Variants in KCNIP4 observed in about 807,000 individuals in gnomAD.
KCNIP4 encodes potassium voltage-gated channel interacting protein 4, also known as Kv channel-interacting protein 4.
KCNIP4 carries 12 observed loss-of-function variants against 34.0 expected under a neutral mutation model. The ratio of observed to expected loss-of-function variants is 0.35; its 90% CI spans 0.23 to 0.57. The LOEUF (loss-of-function observed/expected upper bound fraction) is 0.57. Among genes scored for constraint, KCNIP4 ranks in the 20% least tolerant of loss-of-function variants. KCNIP4 has a pLI of 0.83. For synonymous variants in KCNIP4, 124 were observed against 102.2 expected, an observed-to-expected ratio of 1.21 and a Z score of -1.29; for missense variants, 238 against 311.7, an observed-to-expected ratio of 0.76 and a Z score of 1.78.
intron 1 of KCNIP4, among the ~76,000 whole-genome samples, chr4:21,400,516 T>TCC (rs1560369176): frequency 0.04 from 1,860 of 47,062 alleles, 121 homozygotes; most frequent in East Asian, 0.39. Context: ...TCCCTTCCTC[T>TCC]TCTCTTCTCT....
chr4:21,670,948 G>A (rs1320120814), intron 1 of KCNIP4, among the ~76,000 whole-genome samples: 1 of 151,102 alleles, frequency 6.6e-6, no homozygotes, highest in Non-Finnish European at 1.5e-5. Flanking sequence ...GAGCCACCGC[G>A]CCGGGCTGAG....
intron 1 of KCNIP4, among the ~76,000 whole-genome samples, chr4:21,177,408 T>C (rs1754491278): frequency 6.6e-6 from 1 of 152,106 alleles, no homozygotes; most frequent in Admixed American, 6.5e-5. Flanking sequence ...GGAAAGATTG[T>C]TTACCTTTAT....
intron 1 of KCNIP4, among the ~76,000 whole-genome samples, chr4:21,647,863 CTTTTTT>C (rs10539950): frequency 0.012 from 703 of 60,244 alleles, 12 homozygotes; most frequent in African/African-American, 0.064. Context: ...TACAATGATG[CTTTTTT>C]TTTTTTTTTT....
intron 1 of KCNIP4, among the ~76,000 whole-genome samples, chr4:20,923,141 T>C (rs1729570440): frequency 6.6e-6 from 1 of 152,162 alleles, no homozygotes; most frequent in Non-Finnish European, 1.5e-5. Context: ...CAAGAATCAT[T>C]TACATGTAGA....
chr4:21,318,198 A>G (rs148998973), intron 1 of KCNIP4, among the ~76,000 whole-genome samples: 96 of 152,346 alleles, frequency 6.3e-4, no homozygotes, highest in Non-Finnish European at 1.1e-3. Flanking sequence ...GACAGGTAAA[A>G]TGACACGCAA....
intron 1 of KCNIP4, among the ~76,000 whole-genome samples, chr4:21,804,368 T>A (rs977873963): frequency 2.0e-5 from 3 of 152,202 alleles, no homozygotes; most frequent in Non-Finnish European, 4.4e-5. Flanking sequence ...TACAGTGACC[T>A]TGTGTGATGT....
At chr4:21,519,318 A>G (rs1256295224) in intron 1 of KCNIP4, among the ~76,000 whole-genome samples, 1 of 151,148 alleles carries the variant, frequency 6.6e-6, no homozygotes, top group Non-Finnish European at 1.5e-5. Flanking sequence ...CTCTAGAGGG[A>G]CAGAAATAAT....
chr4:20,925,591 G>A (rs1330329968), intron 1 of KCNIP4, among the ~76,000 whole-genome samples: 1 of 152,122 alleles, frequency 6.6e-6, no homozygotes, highest in Non-Finnish European at 1.5e-5. Flanking sequence ...ATAGAGTAGC[G>A]ATTCTTTTAT....
intron 3 of KCNIP4, among the ~76,000 whole-genome samples, chr4:20,765,932 G>A (rs1249141830): frequency 6.6e-6 from 1 of 152,112 alleles, no homozygotes; most frequent in Non-Finnish European, 1.5e-5. Context: ...GATATGCAAT[G>A]AATACTATGC....
intron 1 of KCNIP4, among the ~76,000 whole-genome samples, chr4:21,841,562 G>T (rs369148262): frequency 1.3e-5 from 2 of 152,046 alleles, no homozygotes; most frequent in African/African-American, 4.8e-5. Flanking sequence ...GTGATCACTG[G>T]CATCTGGCTA....
chr4:21,855,446 T>C (rs752167865), intron 1 of KCNIP4, among the ~76,000 whole-genome samples: 16 of 152,218 alleles, frequency 1.1e-4, no homozygotes, highest in Non-Finnish European at 1.5e-4. Flanking sequence ...CATCCTCTGA[T>C]TGAAAAATAA....
chr4:21,918,426 G>A (rs565543637), intron 1 of KCNIP4, among the ~76,000 whole-genome samples: 1 of 152,248 alleles, frequency 6.6e-6, no homozygotes, highest in South Asian at 2.1e-4. Context: ...TAGAAAAAGA[G>A]TTCCACAGGC....
intron 1 of KCNIP4, among the ~76,000 whole-genome samples, chr4:21,714,799 AT>A (rs369159886): frequency 0.069 from 317 of 4,580 alleles, 7 homozygotes; most frequent in East Asian, 0.5. Flanking sequence ...ATTTTATTTT[AT>A]TTTATTTTAT....
At chr4:21,220,879 A>G (rs1054447354) in intron 1 of KCNIP4, among the ~76,000 whole-genome samples, 3 of 152,176 alleles carry the variant, frequency 2.0e-5, no homozygotes, top group South Asian at 4.1e-4. Context: ...TAAACTTGAC[A>G]TTAAAAAAAA....
chr4:21,112,731 T>TGA, intron 1 of KCNIP4, among the ~76,000 whole-genome samples: 1 of 152,324 alleles, frequency 6.6e-6, no homozygotes, highest in Non-Finnish European at 1.5e-5. Flanking sequence ...CTGGGAAAAC[T>TGA]GAGGCAGCCT....
intron 1 of KCNIP4, among the ~76,000 whole-genome samples, chr4:21,221,577 C>T (rs186384126): frequency 1.3e-5 from 2 of 152,222 alleles, no homozygotes; most frequent in East Asian, 3.9e-4. Context: ...AGGGGAACCG[C>T]ACCCATGATT....
At chr4:21,449,191 T>G (rs1202608818) in intron 1 of KCNIP4, among the ~76,000 whole-genome samples, 1 of 152,194 alleles carries the variant, frequency 6.6e-6, no homozygotes, top group Non-Finnish European at 1.5e-5. Flanking sequence ...TACACACTAA[T>G]GGAGCTTACT....
chr4:20,799,391 C>G (rs955493241), intron 3 of KCNIP4, among the ~76,000 whole-genome samples: 1 of 152,196 alleles, frequency 6.6e-6, no homozygotes, highest in Non-Finnish European at 1.5e-5. Context: ...CCCCAGGCAT[C>G]TGGCAGCCCC....
chr4:21,424,697 C>G (rs144555526), intron 1 of KCNIP4, among the ~76,000 whole-genome samples: 4 of 152,212 alleles, frequency 2.6e-5, no homozygotes, highest in African/African-American at 9.6e-5. Context: ...TCTACAAAAC[C>G]TAAGATTTAT....
Sources: gnomAD v4.1 joint callset for allele counts (sites outside exome capture counted in the v4.1 genomes callset) on GRCh38, gnomAD v4.1.1 for gene constraint, MANE v1.5 for transcripts, NCBI Gene and HGNC (gene_info 2026-07-23, HGNC 2026-07-21) for gene names.